The following XKR4 variants were observed in gnomAD, a reference collection of about 807,000 sequenced individuals.
The protein encoded by XKR4 is XK related 4, also known as XK-related protein 4.
Under a neutral mutation model 53.9 loss-of-function variants are expected in XKR4, and 12 were observed. The ratio of observed to expected loss-of-function variants is 0.22; its 90% CI spans 0.14 to 0.36. The LOEUF is 0.36. XKR4 is among the 10% of genes least tolerant of loss of function. XKR4 has a pLI of 1.00. For missense variants in XKR4, 799 were observed against 859.5 expected (o/e 0.93, Z 0.88); for synonymous variants, 354 against 362.4 (o/e 0.98, Z 0.26).
At chr8:55,462,593 C>A (rs1805679789) in intron 2 of XKR4, among the ~76,000 whole-genome samples, 1 of 152,130 alleles carries the variant, frequency 6.6e-6, no homozygotes, top group South Asian at 2.1e-4. Flanking sequence ...CAGCTAACAT[C>A]ATAATGACGG....
At chr8:55,493,976 T>G (rs1806305887) in intron 2 of XKR4, among the ~76,000 whole-genome samples, 1 of 152,264 alleles carries the variant, frequency 6.6e-6, no homozygotes, top group Non-Finnish European at 1.5e-5. Context: ...CTGTGGCTAG[T>G]GGTGCCTTTG....
At chr8:55,187,211 G>A (rs1416339546) in intron 1 of XKR4, among the ~76,000 whole-genome samples, 1 of 151,182 alleles carries the variant, frequency 6.6e-6, no homozygotes, top group African/African-American at 2.4e-5. Flanking sequence ...TGTTTCTGCG[G>A]GGGAATCTAG....
At chr8:55,496,478 C>T (rs1359444895) in intron 2 of XKR4, among the ~76,000 whole-genome samples, 1 of 152,220 alleles carries the variant, frequency 6.6e-6, no homozygotes, top group African/African-American at 2.4e-5. Flanking sequence ...CAGCCAACCT[C>T]TCAGAGCTTC....
chr8:55,331,317 G>C (rs550129299), intron 1 of XKR4, among the ~76,000 whole-genome samples: 2 of 152,232 alleles, frequency 1.3e-5, no homozygotes, highest in African/African-American at 4.8e-5. Context: ...TAGAAAAGAT[G>C]CTTTGTATAA....
chr8:55,400,223 C>T (rs891827125), intron 2 of XKR4, among the ~76,000 whole-genome samples: 3 of 152,152 alleles, frequency 2.0e-5, no homozygotes, highest in African/African-American at 7.2e-5. Flanking sequence ...ATCTGTTAGA[C>T]CTAAAATCCT....
chr8:55,135,751 C>T, intron 1 of XKR4: 1 of 407,738 alleles, frequency 2.5e-6, no homozygotes, highest in South Asian at 1.7e-5. Flanking sequence ...GACCCCTGAC[C>T]CAGCAGGCCG....
Position 55,531,315 on chromosome 8 carries a change from A to T in XKR4, c.*7088A>T, listed in dbSNP as rs1563374947. On this transcript the variant is annotated 3_prime_UTR_variant, in exon 3 of 3. Transcript: ENST00000327381. ...ACCGAATACTGTAGGCAACTGTAAC[A>T]CCATGGTAAGTACTTGTGTATTTAA... 1 of 152,204 alleles carries T rather than the reference A, an allele frequency of 6.6e-6. No individual in the cohort carries two copies. The highest frequency in any genetic ancestry group is 1.5e-5 in the Non-Finnish European group (1 of 68,044). The allele number at this position is 152,204 out of a possible 1,614,324, so 9.4% of individuals were successfully genotyped here. A position where few individuals can be genotyped will look rare whatever the true frequency, so the allele number is the denominator to read the frequency against.
rs377036857 is a variant in XKR4, at chr8:55,367,490, A to C, written c.1006+9613A>C. Among the ~76,000 whole-genome samples, 13 of 152,296 alleles carry C rather than the reference A, an allele frequency of 8.5e-5. No homozygotes were observed. In the South Asian group the frequency reaches 1.9e-3, roughly 22 times the overall value. ...CCTATTACTTCTGGGTTCATACCTA[A>C]GAGTGAAATTGCTGAGTCATGGGGT... On this transcript the variant is annotated intron_variant, in intron 2 of 2. Coordinates refer to ENST00000327381, the MANE Select transcript of XKR4 (RefSeq NM_052898.2).
intron 1 of XKR4, among the ~76,000 whole-genome samples, chr8:55,223,532 G>T (rs1019002788): frequency 6.6e-6 from 1 of 152,126 alleles, no homozygotes; most frequent in Non-Finnish European, 1.5e-5. Context: ...GTAAATAATT[G>T]CATTTCTTTC....
chr8:55,343,836 T>C (rs1044848885), intron 1 of XKR4, among the ~76,000 whole-genome samples: 11 of 152,192 alleles, frequency 7.2e-5, no homozygotes, highest in African/African-American at 2.7e-4. Flanking sequence ...TCCCCTAGAA[T>C]GGATGAATGA....
intron 1 of XKR4, among the ~76,000 whole-genome samples, chr8:55,311,724 T>G (rs1819391232): frequency 6.6e-6 from 1 of 150,996 alleles, no homozygotes; most frequent in Admixed American, 6.6e-5. Context: ...TTTAAAGAAT[T>G]GAAGTTGGGT....
intron 2 of XKR4, among the ~76,000 whole-genome samples, chr8:55,376,323 G>A (rs55791704): frequency 0.071 from 10,761 of 152,160 alleles, 1,249 homozygotes; most frequent in African/African-American, 0.24. Flanking sequence ...CCACATGGTT[G>A]AACTAATTTA....
Position 55,456,270 on chromosome 8 carries a change from A to G in XKR4, c.1007-67011A>G, listed in dbSNP as rs569132389. Among the ~76,000 whole-genome samples the G allele has an allele frequency of 1.4e-3, 212 of 152,210 alleles. 1 individual carries two copies. Among genetic ancestry groups the G allele is most frequent in the South Asian group, 5.8e-3 (28 of 4,818 alleles). On this transcript the variant is annotated intron_variant, in intron 2 of 2. Coordinates refer to ENST00000327381, the MANE Select transcript of XKR4 (RefSeq NM_052898.2). ...AACATGGAGAAACCCTGTCTCTACT[A>G]AAAATACAAAATTAGCCTGGCTTGG...
chr8:55,378,486 G>A (rs779590351), intron 2 of XKR4, among the ~76,000 whole-genome samples: 3 of 152,196 alleles, frequency 2.0e-5, no homozygotes, highest in Non-Finnish European at 4.4e-5. Context: ...AAAATCAAGA[G>A]AGGTAGCTTG....
intron 2 of XKR4, among the ~76,000 whole-genome samples, chr8:55,370,655 T>G (rs1162028219): frequency 6.6e-6 from 1 of 152,196 alleles, no homozygotes; most frequent in South Asian, 2.1e-4. Flanking sequence ...GTGATTTTTT[T>G]CTTTGTCTTT....
At chr8:55,229,197 C>T (rs1425168124) in intron 1 of XKR4, among the ~76,000 whole-genome samples, 9 of 152,166 alleles carry the variant, frequency 5.9e-5, no homozygotes, top group Non-Finnish European at 1.3e-4. Context: ...AGCCATGGAG[C>T]CTGCCCACTC....
chr8:55,213,017 C>T (rs911849115), intron 1 of XKR4, among the ~76,000 whole-genome samples: 1 of 152,152 alleles, frequency 6.6e-6, no homozygotes, highest in Non-Finnish European at 1.5e-5. Flanking sequence ...TGCTTCTGTT[C>T]TCAAGATATT....
intron 2 of XKR4, among the ~76,000 whole-genome samples, chr8:55,377,289 C>G (rs938440241): frequency 5.9e-5 from 9 of 152,164 alleles, no homozygotes; most frequent in African/African-American, 2.2e-4. Context: ...GATAGTAACC[C>G]ATACCTCATA....
At chr8:55,498,702 G>A (rs1806394011) in intron 2 of XKR4, among the ~76,000 whole-genome samples, 1 of 152,144 alleles carries the variant, frequency 6.6e-6, no homozygotes, top group Admixed American at 6.5e-5. Flanking sequence ...GAGGCCAGGA[G>A]GTCAAGGGTG....
Sources: allele counts gnomAD v4.1 joint callset (sites outside exome capture counted in the v4.1 genomes callset), GRCh38; gene constraint gnomAD v4.1.1; transcripts MANE v1.5; gene names NCBI Gene and HGNC (gene_info 2026-07-23, HGNC 2026-07-21).